PRR16: variants seen among roughly 807,000 people sequenced by gnomAD.
The protein encoded by PRR16 is protein Largen.
Under a neutral mutation model 18.2 loss-of-function variants are expected in PRR16, and 6 were observed. The observed-to-expected ratio is 0.33, with a 90% CI of 0.18 to 0.65. The LOEUF is 0.65. PRR16 is among the 30% of genes least tolerant of loss of function. The pLI is 0.74. For synonymous variants in PRR16, 151 were observed against 147.8 expected (o/e 1.02, Z -0.16); for missense variants, 412 against 376.6 (o/e 1.09, Z -0.78).
rs200517701 is a variant in PRR16, at chr5:120,686,345, T to C, written c.551T>C (p.Val184Ala). The C allele has an allele frequency of 1.2e-4, 191 of 1,614,014 alleles. 1 individual carries two copies. The Admixed American group carries it at 3.2e-3, about 27-fold the overall frequency. The change falls in exon 2 of 2, where the codon GTC (valine) becomes GCC (alanine). Residue 184 changes from valine (V) to alanine (A), a missense_variant. Coordinates refer to ENST00000407149, the MANE Select transcript of PRR16 (RefSeq NM_001300783.2). ...IPNSNLDKAP[V>A]QLLMHRPEKD... ...AACAGTAACTTGGACAAGGCTCCAG[T>C]CCAGCTTCTGATGCATAGACCTGAA...
rs959340844 is a variant in PRR16 at position 120,686,461 on chromosome 5, C to T, written c.667C>T (p.Arg223Trp). Residue 223 changes from arginine to tryptophan, a missense_variant, in exon 2 of 2, where the codon CGG becomes TGG. Transcript: ENST00000407149. ...YHGYCPDCDT[R>W]YNIKNREVHL... ...TGGCTATTGTCCTGACTGTGATACC[C>T]GGTATAACATAAAAAACAGGGAGGT... 29 of 1,613,962 alleles carry T rather than the reference C, an allele frequency of 1.8e-5. No homozygotes were observed. In the Middle Eastern group the frequency reaches 8.2e-4, roughly 46 times the overall value.
chr5:120,749,513 A>G, the PRR16 span, among the ~76,000 whole-genome samples: 1 of 152,146 alleles, frequency 6.6e-6, no homozygotes, highest in African/African-American at 2.4e-5. Flanking sequence ...GTTGCTATTC[A>G]TAACAATGTA....
the PRR16 span, among the ~76,000 whole-genome samples, chr5:120,775,774 G>A: frequency 6.8e-6 from 1 of 147,244 alleles, no homozygotes; most frequent in Non-Finnish European, 1.5e-5. Flanking sequence ...GGGATTACAG[G>A]CACCTGCTGC....
intron 1 of PRR16, among the ~76,000 whole-genome samples, chr5:120,612,437 C>T (rs1048515096): frequency 2.0e-5 from 3 of 152,122 alleles, no homozygotes; most frequent in Non-Finnish European, 4.4e-5. Flanking sequence ...CCCAGAATTC[C>T]CCCATGGTGT....
At chr5:120,526,136 G>A (rs1021736334) in intron 1 of PRR16, among the ~76,000 whole-genome samples, 3 of 152,076 alleles carry the variant, frequency 2.0e-5, no homozygotes, top group Non-Finnish European at 4.4e-5. Flanking sequence ...AACTGTATGA[G>A]CTGCAGAGTT....
chr5:120,604,178 G>C (rs1002243925), intron 1 of PRR16, among the ~76,000 whole-genome samples: 11 of 151,604 alleles, frequency 7.3e-5, no homozygotes, highest in African/African-American at 2.7e-4. Context: ...TGGTTATTTT[G>C]TGGTTATCTA....
At chr5:120,756,762 A>ATGG in the PRR16 span, among the ~76,000 whole-genome samples, 1 of 151,924 alleles carries the variant, frequency 6.6e-6, no homozygotes, top group African/African-American at 2.4e-5. Flanking sequence ...GACTGCATTG[A>ATGG]TAGTTTCTTT....
the PRR16 span, among the ~76,000 whole-genome samples, chr5:120,725,814 T>C: frequency 6.6e-6 from 1 of 152,092 alleles, no homozygotes; most frequent in Non-Finnish European, 1.5e-5. Context: ...GTAAAATTGA[T>C]TTTCAATAAA....
chr5:120,729,230 C>G, the PRR16 span, among the ~76,000 whole-genome samples: 1 of 152,042 alleles, frequency 6.6e-6, no homozygotes, highest in Non-Finnish European at 1.5e-5. Flanking sequence ...CTAAACAAAG[C>G]CAGTAGTATC....
intron 1 of PRR16, among the ~76,000 whole-genome samples, chr5:120,674,461 A>G (rs899436700): frequency 6.6e-6 from 1 of 152,244 alleles, no homozygotes; most frequent in Non-Finnish European, 1.5e-5. Context: ...TTAGCCAGGA[A>G]TTAAAATTGG....
chr5:120,696,737 C>T, the PRR16 span, among the ~76,000 whole-genome samples: 1 of 151,870 alleles, frequency 6.6e-6, no homozygotes, highest in Non-Finnish European at 1.5e-5. Flanking sequence ...AATGCTGTAA[C>T]CAACAAAAAG....
intron 1 of PRR16, among the ~76,000 whole-genome samples, chr5:120,611,467 C>T (rs1263549813): frequency 1.3e-5 from 2 of 152,124 alleles, no homozygotes; most frequent in Non-Finnish European, 2.9e-5. Flanking sequence ...TAGGCTGGGC[C>T]CTGGGTCCCC....
At chr5:120,636,734 T>C (rs1250282293) in intron 1 of PRR16, among the ~76,000 whole-genome samples, 1 of 152,012 alleles carries the variant, frequency 6.6e-6, no homozygotes, top group African/African-American at 2.4e-5. Flanking sequence ...AAACACTTCA[T>C]GATCAAGAAC....
intron 1 of PRR16, among the ~76,000 whole-genome samples, chr5:120,614,799 A>T (rs979029261): frequency 6.6e-6 from 1 of 152,216 alleles, no homozygotes; most frequent in East Asian, 1.9e-4. Flanking sequence ...AGTAGTGGCA[A>T]TTATGAAGCT....
intron 1 of PRR16, among the ~76,000 whole-genome samples, chr5:120,554,888 C>T (rs1752362395): frequency 6.6e-6 from 1 of 151,920 alleles, no homozygotes; most frequent in Admixed American, 6.6e-5. Flanking sequence ...GAAGCAGCTA[C>T]AGCATATCTT....
At chr5:120,701,864 T>A in the PRR16 span, among the ~76,000 whole-genome samples, 1 of 152,100 alleles carries the variant, frequency 6.6e-6, no homozygotes, top group Non-Finnish European at 1.5e-5. Context: ...ATGACAAGAA[T>A]TATTTAGATC....
chr5:120,664,500 A>G (rs190152896), intron 1 of PRR16, among the ~76,000 whole-genome samples: 2,648 of 151,464 alleles, frequency 0.017, 48 homozygotes, highest in African/African-American at 0.042. Context: ...GTACATGTGC[A>G]CAATGTGCAG....
intron 1 of PRR16, among the ~76,000 whole-genome samples, chr5:120,678,145 G>A (rs889981257): frequency 6.6e-6 from 1 of 152,006 alleles, no homozygotes; most frequent in Non-Finnish European, 1.5e-5. Context: ...TCCTGACCTG[G>A]TGATCCGCCT....
the PRR16 span, among the ~76,000 whole-genome samples, chr5:120,722,009 G>T: frequency 6.6e-6 from 1 of 151,946 alleles, no homozygotes; most frequent in Non-Finnish European, 1.5e-5. Context: ...TTCTCCTAAT[G>T]CTATCCTTCC....
Sources: allele counts gnomAD v4.1 joint callset (sites outside exome capture counted in the v4.1 genomes callset), GRCh38; gene constraint gnomAD v4.1.1; transcripts MANE v1.5; gene names NCBI Gene and HGNC (gene_info 2026-07-23, HGNC 2026-07-21).